Variants in CLIP2 observed in about 807,000 individuals in gnomAD.
CLIP2 encodes CAP-Gly domain-containing linker protein 2.
Under a neutral mutation model 111.7 loss-of-function variants are expected in CLIP2, and 41 were observed. That is an observed-to-expected ratio of 0.37 (90% CI 0.29 to 0.48). CLIP2 has a LOEUF of 0.48. CLIP2 is among the 20% of genes least tolerant of loss of function. The pLI is 0.99. For synonymous variants in CLIP2, 660 were observed against 644.2 expected, an observed-to-expected ratio of 1.02 and a Z score of -0.37; for missense variants, 1,160 against 1,422.1, an observed-to-expected ratio of 0.82 and a Z score of 2.96.
At chr7:74,349,003 T>C (rs551232647) in intron 3 of CLIP2, among the ~76,000 whole-genome samples, 12 of 151,328 alleles carry the variant, frequency 7.9e-5, no homozygotes, top group African/African-American at 2.9e-4. Context: ...TTTAAAAAAA[T>C]CTTGTACAAG....
At chr7:74,297,294 A>G (rs1178170629) in intron 1 of CLIP2, among the ~76,000 whole-genome samples, 3 of 151,960 alleles carry the variant, frequency 2.0e-5, no homozygotes, top group African/African-American at 7.3e-5. Context: ...GCAACCTAGC[A>G]AGGGCCCATG....
chr7:74,385,586 T>C (rs1173176291), intron 11 of CLIP2, among the ~76,000 whole-genome samples: 1 of 152,060 alleles, frequency 6.6e-6, no homozygotes, highest in African/African-American at 2.4e-5. Context: ...TTCTGTCCTT[T>C]ATGGCTGTGA....
chr7:74,323,992 T>C (rs1292520862), intron 2 of CLIP2, among the ~76,000 whole-genome samples: 1 of 152,048 alleles, frequency 6.6e-6, no homozygotes. Context: ...AGTTGTGGTT[T>C]TATTTATTAT....
intron 13 of CLIP2, among the ~76,000 whole-genome samples, chr7:74,390,155 AAAG>A (rs1384259733): frequency 1.9e-5 from 1 of 52,846 alleles, no homozygotes; most frequent in Non-Finnish European, 3.6e-5. Context: ...AAAGAAAAAG[AAAG>A]AAAGAAGAAA....
intron 1 of CLIP2, among the ~76,000 whole-genome samples, chr7:74,306,300 G>C (rs1292842505): frequency 2.0e-5 from 3 of 152,154 alleles, no homozygotes; most frequent in Non-Finnish European, 1.5e-5. Flanking sequence ...GGAAGTGTGG[G>C]CATGAGCACC....
At chr7:74,312,043 C>CAA (rs1554728599) in intron 1 of CLIP2, among the ~76,000 whole-genome samples, 3 of 151,838 alleles carry the variant, frequency 2.0e-5, no homozygotes, top group African/African-American at 7.3e-5. Flanking sequence ...GTCAAGAGTT[C>CAA]AAGACCAGCC....
intron 15 of CLIP2, 31 bp from the exon 16 acceptor site, chr7:74,401,474 C>T: frequency 3.1e-6 from 5 of 1,611,360 alleles, no homozygotes; most frequent in Non-Finnish European, 4.2e-6. Context: ...GCCTGGTGCA[C>T]CTGGCTCAGT....
chr7:74,390,728 G>A (rs1791270671), intron 13 of CLIP2, among the ~76,000 whole-genome samples: 1 of 99,014 alleles, frequency 1.0e-5, no homozygotes, highest in African/African-American at 4.1e-5. Context: ...TTGATAAAAA[G>A]TAACTATTTT....
intron 1 of CLIP2, among the ~76,000 whole-genome samples, chr7:74,312,330 G>A (rs1554728627): frequency 6.6e-6 from 1 of 152,120 alleles, no homozygotes; most frequent in Non-Finnish European, 1.5e-5. Flanking sequence ...CAGAGAAGAG[G>A]CCCTGGTGGG....
At chr7:74,393,551 G>C (rs1791355966) in intron 13 of CLIP2, among the ~76,000 whole-genome samples, 1 of 151,022 alleles carries the variant, frequency 6.6e-6, no homozygotes. Context: ...GGTCATGCTG[G>C]TCTCGAACTC....
chr7:74,376,112 C>T lies in CLIP2; in HGVS notation c.1711C>T (p.Leu571=). ...GCTGCGGGATAAATACGAGAAGGCC[C>T]TGAAGGCCTACCAGGCGGAGGTGGA... The part of the protein sequence containing the change: ...GVLRDKYEKA[L]KAYQAEVDKL... The change falls in exon 10 of 17, where the codon CTG becomes TTG. Residue 571 remains leucine (L), a synonymous_variant. Coordinates refer to ENST00000223398, the MANE Select transcript of CLIP2 (RefSeq NM_003388.5). This position sits in a 1 kb window ranked among gnomAD's most constrained non-coding sequence, Gnocchi z 7.1. 1 of 1,610,668 alleles carries T rather than the reference C, an allele frequency of 6.2e-7. No homozygotes were observed. Among genetic ancestry groups the T allele is most frequent in the Non-Finnish European group, 8.5e-7 (1 of 1,178,438 alleles).
chr7:74,348,260 A>C (rs1279328283), intron 3 of CLIP2, among the ~76,000 whole-genome samples: 1 of 152,160 alleles, frequency 6.6e-6, no homozygotes, highest in Non-Finnish European at 1.5e-5. Flanking sequence ...GAGAAAATCA[A>C]ATAATTAATT....
chr7:74,370,839 C>T (rs778895279), intron 8 of CLIP2, among the ~76,000 whole-genome samples: 5 of 151,996 alleles, frequency 3.3e-5, no homozygotes, highest in Non-Finnish European at 5.9e-5. Flanking sequence ...CTCTATTTCA[C>T]GTTCATTCCA....
intron 9 of CLIP2, among the ~76,000 whole-genome samples, chr7:74,374,663 G>A (rs1790724652): frequency 6.6e-6 from 1 of 152,186 alleles, no homozygotes; most frequent in African/African-American, 2.4e-5. Flanking sequence ...GGAGGTTGCA[G>A]TGAGCCGAGA....
Position 74,376,213 on chromosome 7 carries a change from C to T in CLIP2, c.1812C>T (p.Ser604=), listed in dbSNP as rs751419194. Reference sequence around the variant, plus strand: ...AGGACAAGGTTCAGCAGGCCACCAGCGAGAACATGGGGCTAATGGACAACT... The same window carrying T: ...AGGACAAGGTTCAGCAGGCCACCAGTGAGAACATGGGGCTAATGGACAACT... ...GLKDKVQQAT[S]ENMGLMDNWK... is the part of the protein sequence containing the mutation. Residue 604 remains serine (S), a synonymous_variant, in exon 10 of 17, where the codon AGC becomes AGT. Transcript: ENST00000223398. This position sits in a 1 kb window ranked among gnomAD's most constrained non-coding sequence, Gnocchi z 7.1. The T allele has an allele frequency of 3.7e-6, 6 of 1,612,610 alleles. No individual in the cohort carries two copies. The highest frequency in any genetic ancestry group is 5.1e-6 in the Non-Finnish European group (6 of 1,179,440).
At chr7:74,318,712 TA>T (rs797028310) in intron 2 of CLIP2, among the ~76,000 whole-genome samples, 45 of 149,976 alleles carry the variant, frequency 3.0e-4, no homozygotes, top group African/African-American at 2.4e-4. Context: ...AAACTCCATT[TA>T]AAAAAAAAAT....
chr7:74,361,697 A>G (rs1171809602), intron 7 of CLIP2, among the ~76,000 whole-genome samples: 2 of 152,102 alleles, frequency 1.3e-5, no homozygotes, highest in Admixed American at 6.6e-5. Flanking sequence ...TTTTGTATCC[A>G]TTCTCATTTT....
intron 10 of CLIP2, 188 bp from the exon 11 acceptor site, chr7:74,380,618 C>G (rs1790915160): frequency 4.0e-6 from 2 of 504,082 alleles, no homozygotes; most frequent in Non-Finnish European, 7.1e-6. Context: ...TGGGGGTCCT[C>G]TGTTGTCAGG....
At chr7:74,305,854 A>ACCCCCCCCCCCCCCCCCCCCCCCC (rs1554727659) in intron 1 of CLIP2, among the ~76,000 whole-genome samples, 1 of 54,514 alleles carries the variant, frequency 1.8e-5, no homozygotes, top group African/African-American at 1.1e-4. Flanking sequence ...CCTGCACCCC[A>ACCCCCCCCCCCCCCCCCCCCCCCC]ACCCCCCCCC....
Sources: allele counts gnomAD v4.1 joint callset (sites outside exome capture counted in the v4.1 genomes callset), GRCh38; gene constraint gnomAD v4.1.1; non-coding constraint Gnocchi (gnomAD v3.1); transcripts MANE v1.5; gene names NCBI Gene and HGNC (gene_info 2026-07-23, HGNC 2026-07-21).